The following MOXD1 variants were observed in gnomAD, a reference collection of about 807,000 sequenced individuals.
MOXD1 encodes the protein DBH-like monooxygenase protein 1.
In MOXD1, 62 loss-of-function variants were observed where a neutral mutation model predicts 66.6. The observed-to-expected ratio is 0.93, with a 90% CI of 0.76 to 1.15. MOXD1 has a LOEUF of 1.15. Ranked by LOEUF, MOXD1 falls within the 50% of genes most tolerant of loss-of-function variation. The pLI is 0.00. For missense variants in MOXD1, 847 were observed against 754.6 expected (o/e 1.12, Z -1.44); for synonymous variants, 303 against 281.9 (o/e 1.07, Z -0.75).
intron 1 of MOXD1, among the ~76,000 whole-genome samples, chr6:132,396,644 G>GA (rs1186733011): frequency 1.3e-5 from 2 of 151,254 alleles, no homozygotes; most frequent in Non-Finnish European, 1.5e-5. Context: ...GAATAACCAA[G>GA]AAAAAAAGAG....
At chr6:132,356,056 T>G (rs951742731) in intron 4 of MOXD1, among the ~76,000 whole-genome samples, 10 of 152,148 alleles carry the variant, frequency 6.6e-5, no homozygotes, top group Admixed American at 2.0e-4. Flanking sequence ...GTGATTTAAG[T>G]CAGCAAACTG....
At chr6:132,352,177 C>A (rs975179207) in intron 4 of MOXD1, among the ~76,000 whole-genome samples, 3 of 151,914 alleles carry the variant, frequency 2.0e-5, no homozygotes, top group African/African-American at 7.2e-5. Flanking sequence ...TGCTGGGTTT[C>A]GGTTTAGTTT....
Position 132,401,313 on chromosome 6 carries a change from C to T in MOXD1, c.114G>A (p.Trp38Ter). The change falls in exon 1 of 12, where the codon TGG becomes TGA. Residue 38 changes from tryptophan to a stop codon, truncating the protein, a stop_gained. Coordinates refer to ENST00000367963, the MANE Select transcript of MOXD1 (RefSeq NM_015529.4). LOFTEE classifies it high-confidence loss of function. The stretch of plus-strand genomic sequence containing the variant: ...GGCTGCCCCGCTGGCTCCAGCCCAG[C>T]CAGTACTTGCCCTCCGAGTCCAGGA... ...RTLLDSEGKYWLGWSQRGSQI... is the reference protein window; with the variant it reads ...RTLLDSEGKY 2 of 1,593,854 alleles carry T rather than the reference C, an allele frequency of 1.3e-6. No individual in the cohort carries two copies. The highest frequency in any genetic ancestry group is 1.7e-6 in the Non-Finnish European group (2 of 1,174,994).
intron 10 of MOXD1, among the ~76,000 whole-genome samples, chr6:132,303,876 T>C (rs796858067): frequency 0.01 from 459 of 45,008 alleles, 9 homozygotes; most frequent in East Asian, 0.072. Flanking sequence ...TATATATATA[T>C]ATACATATAT....
At position 132,385,045 on chromosome 6, in the gene MOXD1, G is replaced by A. The variant is rs35018400; in HGVS notation, c.265-10268C>T. On this transcript the variant is annotated intron_variant, in intron 1 of 11. Transcript: ENST00000367963. ...GTGGGCAGGTGTTAGATTTAGTTTC[G>A]AGGAAGAGTCAATAGAACTTGACGA... Among the ~76,000 whole-genome samples, 923 of 152,304 alleles carry A rather than the reference G, an allele frequency of 6.1e-3. 9 individuals carry two copies. Among genetic ancestry groups the A allele is most frequent in the African/African-American group, 0.021 (880 of 41,570 alleles).
At chr6:132,316,161 C>T (rs990571067) in intron 9 of MOXD1, among the ~76,000 whole-genome samples, 2 of 119,618 alleles carry the variant, frequency 1.7e-5, no homozygotes, top group African/African-American at 9.5e-5. Context: ...TAAACATTAG[C>T]AGCTGCATAC....
chr6:132,303,618 T>C (rs1334393434), intron 10 of MOXD1, among the ~76,000 whole-genome samples: 2 of 150,818 alleles, frequency 1.3e-5, no homozygotes, highest in Non-Finnish European at 3.0e-5. Flanking sequence ...GATGCAATTT[T>C]TTCAAACATT....
At chr6:132,392,861 G>T (rs1183928668) in intron 1 of MOXD1, among the ~76,000 whole-genome samples, 1 of 152,300 alleles carries the variant, frequency 6.6e-6, no homozygotes, top group East Asian at 1.9e-4. Flanking sequence ...GAGTCAAAAA[G>T]GTTAAAATGG....
intron 4 of MOXD1, among the ~76,000 whole-genome samples, chr6:132,329,018 G>A (rs574330590): frequency 1.2e-4 from 19 of 152,024 alleles, no homozygotes; most frequent in African/African-American, 3.4e-4. Flanking sequence ...ACAACGTGGA[G>A]GTTTGTTACA....
At chr6:132,320,273 A>G (rs1321966281) in intron 9 of MOXD1, among the ~76,000 whole-genome samples, 2 of 152,146 alleles carry the variant, frequency 1.3e-5, no homozygotes, top group Non-Finnish European at 2.9e-5. Flanking sequence ...CATGAAATTC[A>G]TTCTTCATTT....
chr6:132,398,935 CAAA>C (rs150318811), intron 1 of MOXD1, among the ~76,000 whole-genome samples: 14 of 75,090 alleles, frequency 1.9e-4, no homozygotes, highest in East Asian at 6.9e-4. Flanking sequence ...GAGACTTTGT[CAAA>C]AAAAAAAAAA....
At chr6:132,307,574 C>T (rs1405747422) in intron 10 of MOXD1, among the ~76,000 whole-genome samples, 1 of 152,230 alleles carries the variant, frequency 6.6e-6, no homozygotes, top group Non-Finnish European at 1.5e-5. Context: ...ACATTCTTCT[C>T]AGTGCCACAT....
chr6:132,359,549 C>G (rs11966044), intron 4 of MOXD1, among the ~76,000 whole-genome samples: 1 of 147,104 alleles, frequency 6.8e-6, no homozygotes, highest in African/African-American at 2.5e-5. Context: ...TGCAGTGGCG[C>G]GATCTCGGCT....
At chr6:132,354,464 C>G (rs1480654820) in intron 4 of MOXD1, among the ~76,000 whole-genome samples, 1 of 152,206 alleles carries the variant, frequency 6.6e-6, no homozygotes, top group Non-Finnish European at 1.5e-5. Context: ...AGGCTCCAGG[C>G]TGGTACTGGG....
chr6:132,343,609 G>T (rs886436382), intron 4 of MOXD1, among the ~76,000 whole-genome samples: 3 of 151,518 alleles, frequency 2.0e-5, no homozygotes, highest in Non-Finnish European at 2.9e-5. Flanking sequence ...AGATCCACAT[G>T]GTTACAAACA....
At chr6:132,326,559 CAT>C (rs1410181777) in intron 6 of MOXD1, among the ~76,000 whole-genome samples, 2 of 151,834 alleles carry the variant, frequency 1.3e-5, no homozygotes, top group Admixed American at 6.5e-5. Flanking sequence ...CAATATAAGA[CAT>C]ATTCAATAAT....
At chr6:132,351,280 T>C (rs1355264860) in intron 4 of MOXD1, among the ~76,000 whole-genome samples, 1 of 152,176 alleles carries the variant, frequency 6.6e-6, no homozygotes, top group African/African-American at 2.4e-5. Flanking sequence ...TGTGGGTTTG[T>C]CGTAGATGGC....
intron 4 of MOXD1, among the ~76,000 whole-genome samples, chr6:132,332,120 G>T (rs1412273483): frequency 1.3e-5 from 2 of 152,212 alleles, no homozygotes; most frequent in African/African-American, 4.8e-5. Flanking sequence ...GCCTTTCAAG[G>T]TGTTCCTTCT....
chr6:132,396,654 G>T (rs1463511240), intron 1 of MOXD1, among the ~76,000 whole-genome samples: 1 of 151,656 alleles, frequency 6.6e-6, no homozygotes, highest in Non-Finnish European at 1.5e-5. Flanking sequence ...GAAAAAAAGA[G>T]AATACCCACA....
Sources: gnomAD v4.1 joint callset for allele counts (sites outside exome capture counted in the v4.1 genomes callset) on GRCh38, gnomAD v4.1.1 for gene constraint, MANE v1.5 for transcripts, NCBI Gene and HGNC (gene_info 2026-07-23, HGNC 2026-07-21) for gene names.